RANGAP1: variants seen among roughly 807,000 people sequenced by gnomAD.
RANGAP1 encodes ran GTPase-activating protein 1.
RANGAP1 carries 38 observed loss-of-function variants against 63.5 expected under a neutral mutation model. The observed-to-expected ratio is 0.60, with a 90% CI of 0.46 to 0.78. The LOEUF (loss-of-function observed/expected upper bound fraction) is 0.78. Among genes scored for constraint, RANGAP1 ranks in the 30% least tolerant of loss-of-function variants. The pLI, the probability that RANGAP1 is intolerant of heterozygous loss-of-function variation, is 0.00. For missense variants in RANGAP1, 630 were observed against 740.3 expected, an observed-to-expected ratio of 0.85 and a Z score of 1.73; for synonymous variants, 329 against 310.5, an observed-to-expected ratio of 1.06 and a Z score of -0.63.
At chr22:41,289,399 AT>A (rs571472315), upstream of RANGAP1, among the ~76,000 whole-genome samples, 193 of 151,978 alleles carry the variant, frequency 1.3e-3, 1 homozygote, top group Middle Eastern at 6.8e-3. Context: ...AGGCAGGTGG[AT>A]CATCTGACGT....
intron 2 of RANGAP1, chr22:41,277,522 C>T (rs757784909): frequency 1.2e-5 from 14 of 1,193,288 alleles, no homozygotes; most frequent in Admixed American, 2.3e-5. Flanking sequence ...AGTAGGGTGA[C>T]ATGTGGGAGG....
At chr22:41,261,814 T>G (rs1381701441) in intron 5 of RANGAP1, among the ~76,000 whole-genome samples, 1 of 152,150 alleles carries the variant, frequency 6.6e-6, no homozygotes, top group African/African-American at 2.4e-5. Flanking sequence ...TAGCTTCACT[T>G]TCGAGACGGG....
In RANGAP1 at chr22:41,246,686, G is replaced by A. The variant is rs1283737170; in HGVS notation, c.1695-14C>T. 1.3e-6 allele frequency: 2 copies of A among 1,549,162 alleles called. No individual in the cohort carries two copies. Among genetic ancestry groups the A allele is most frequent in the African/African-American group, 1.4e-5 (1 of 73,678 alleles). ...GCGCTGTTGGGCCTGCGGGGAAAGA[G>A]GGGTCAGCAGGTCGGTGGATGCCTC... On this transcript the variant is annotated splice_polypyrimidine_tract_variant and intron_variant, in intron 15 of 15. Coordinates refer to ENST00000356244, the MANE Select transcript of RANGAP1 (RefSeq NM_002883.4).
At chr22:41,274,010 G>C (rs1322448906) in intron 3 of RANGAP1, among the ~76,000 whole-genome samples, 2 of 152,104 alleles carry the variant, frequency 1.3e-5, no homozygotes, top group Non-Finnish European at 2.9e-5. Context: ...CCCAGGAGGC[G>C]GAGATTGCAG....
At chr22:41,288,185 C>T (rs1410423425), upstream of RANGAP1, among the ~76,000 whole-genome samples, 7 of 152,138 alleles carry the variant, frequency 4.6e-5, no homozygotes, top group Non-Finnish European at 1.0e-4. Flanking sequence ...CCTCTTTCCA[C>T]CTTCCCTCTC....
At chr22:41,249,249 C>T (rs1238271758) in intron 15 of RANGAP1, 81 bp downstream of exon 15, 2 of 1,493,256 alleles carry the variant, frequency 1.3e-6, no homozygotes, top group African/African-American at 2.8e-5. Flanking sequence ...GGGGCTGGGC[C>T]TCCCGGAACC....
intron 7 of RANGAP1, 35 bp from the exon 8 acceptor site, chr22:41,256,859 G>A (rs1251866175): frequency 1.9e-6 from 3 of 1,564,980 alleles, no homozygotes; most frequent in Admixed American, 3.4e-5. Context: ...GAGTGAGGGT[G>A]CAGACCACAC....
Position 41,264,856 on chromosome 22 carries a change from G to A in RANGAP1, c.301-13C>T. On this transcript the variant is annotated splice_polypyrimidine_tract_variant and intron_variant, in intron 4 of 15. Transcript: ENST00000356244. ...CCCCTAGTGAGATCTGGGCACAGAGGAAGCTCGTGTCAGTTTCATAGACAC... is the reference window on the plus strand; with the variant it reads ...CCCCTAGTGAGATCTGGGCACAGAGAAAGCTCGTGTCAGTTTCATAGACAC... 1 of 1,588,206 alleles carries A rather than the reference G, an allele frequency of 6.3e-7. No individual in the cohort carries two copies. Among genetic ancestry groups the A allele is most frequent in the Non-Finnish European group, 8.6e-7 (1 of 1,159,210 alleles).
rs1271067363 is a variant in RANGAP1, at chr22:41,286,153, G to A, written c.-206C>T. ...AGCTCTCTCGAGCTCCCGGCCTCAC[G>A]CGCTTCCAGCACCACCTGCTCTCCG... On this transcript the variant is annotated 5_prime_UTR_variant, in exon 1 of 16. Coordinates refer to ENST00000356244, the MANE Select transcript of RANGAP1 (RefSeq NM_002883.4). 6.6e-6 allele frequency: 1 copy of A among 152,478 alleles called. No homozygotes were observed. The highest frequency in any genetic ancestry group is 2.1e-4 in the South Asian group (1 of 4,836). The allele number at this position is 152,478 out of a possible 1,614,324, so 9.4% of individuals were successfully genotyped here.
intron 6 of RANGAP1, among the ~76,000 whole-genome samples, chr22:41,260,479 G>A (rs2034101837): frequency 1.3e-5 from 2 of 152,214 alleles, no homozygotes; most frequent in Non-Finnish European, 2.9e-5. Flanking sequence ...AGACAGCCTC[G>A]ATGGGCAGCC....
chr22:41,289,722 G>A (rs1055824378), upstream of RANGAP1, among the ~76,000 whole-genome samples: 1 of 152,178 alleles, frequency 6.6e-6, no homozygotes, highest in Non-Finnish European at 1.5e-5. Flanking sequence ...GTTATCACCT[G>A]AGAGCTAGTC....
intron 3 of RANGAP1, among the ~76,000 whole-genome samples, chr22:41,268,602 G>T (rs546694506): frequency 3.3e-5 from 5 of 152,222 alleles, no homozygotes; most frequent in South Asian, 2.1e-4. Flanking sequence ...GACCCATTCT[G>T]GCTGTAGTTG....
At position 41,245,495 on chromosome 22, in the gene RANGAP1, TCTGCAGGGCTGA is replaced by T. The variant is rs2145650684; in HGVS notation, c.*1096_*1107del. The T allele has an allele frequency of 6.6e-6, 1 of 152,402 alleles. No individual in the cohort carries two copies. Among genetic ancestry groups the T allele is most frequent in the South Asian group, 2.1e-4 (1 of 4,834 alleles). The allele number at this position is 152,402 out of a possible 1,614,324, so 9.4% of individuals were successfully genotyped here. A position where few individuals can be genotyped will look rare whatever the true frequency, so the allele number is the denominator to read the frequency against. On this transcript the variant is annotated 3_prime_UTR_variant, in exon 16 of 16. Coordinates refer to ENST00000356244, the MANE Select transcript of RANGAP1 (RefSeq NM_002883.4). ...TGGCCTGAGGCCGAGGCCGGGCCCT[TCTGCAGGGCTGA>T]CTGCCCCACAGACTGCTGCGGGGCC...
At chr22:41,262,758 A>G (rs2034248767) in intron 5 of RANGAP1, among the ~76,000 whole-genome samples, 1 of 152,130 alleles carries the variant, frequency 6.6e-6, no homozygotes, top group Non-Finnish European at 1.5e-5. Flanking sequence ...CTGCTAGGTC[A>G]CCCCCATTCT....
intron 5 of RANGAP1, among the ~76,000 whole-genome samples, chr22:41,263,337 GCTTT>G (rs2034278452): frequency 6.6e-6 from 1 of 152,224 alleles, no homozygotes; most frequent in South Asian, 2.1e-4. Flanking sequence ...GGCCACGCCT[GCTTT>G]CTGTGCTGAC....
At chr22:41,299,422 G>A in the RANGAP1 span, among the ~76,000 whole-genome samples, 2 of 151,850 alleles carry the variant, frequency 1.3e-5, no homozygotes, top group African/African-American at 2.4e-5. Context: ...CTGAGCCACC[G>A]CGCCCGGCCT....
At chr22:41,277,227 G>A (rs187459526) in intron 2 of RANGAP1, among the ~76,000 whole-genome samples, 1 of 151,148 alleles carries the variant, frequency 6.6e-6, no homozygotes, top group South Asian at 2.1e-4. Context: ...ACAGGCGCCC[G>A]CCACTACGCC....
At chr22:41,259,689 A>C (rs1206362951) in intron 6 of RANGAP1, among the ~76,000 whole-genome samples, 1 of 152,232 alleles carries the variant, frequency 6.6e-6, no homozygotes, top group Admixed American at 6.5e-5. Context: ...ATAAAGTCAC[A>C]AGATTTTCTT....
chr22:41,249,539 G>A, intron 14 of RANGAP1, 88 bp from the exon 15 acceptor site: 1 of 1,580,260 alleles, frequency 6.3e-7, no homozygotes, highest in Non-Finnish European at 8.6e-7. Context: ...TGCTGATAGT[G>A]CCCACAACTG....
Sources: allele counts gnomAD v4.1 joint callset (sites outside exome capture counted in the v4.1 genomes callset), GRCh38; gene constraint gnomAD v4.1.1; transcripts MANE v1.5; gene names NCBI Gene and HGNC (gene_info 2026-07-23, HGNC 2026-07-21).